ANKRD36C: variants seen among roughly 807,000 people sequenced by gnomAD.
The protein encoded by ANKRD36C is ankyrin repeat domain-containing protein 36C.
Under a neutral mutation model 276.4 loss-of-function variants are expected in ANKRD36C, and 61 were observed. The observed-to-expected ratio is 0.22, with a 90% CI of 0.18 to 0.27. The LOEUF (loss-of-function observed/expected upper bound fraction) is 0.27, where lower values mean the gene tolerates loss of function less well. ANKRD36C is among the 10% of genes least tolerant of loss of function. The pLI, the probability that ANKRD36C is intolerant of heterozygous loss-of-function variation, is 1.00. For missense variants in ANKRD36C, 1,447 were observed against 2,032.3 expected, an observed-to-expected ratio of 0.71 and a Z score of 5.54; for synonymous variants, 483 against 680.1, an observed-to-expected ratio of 0.71 and a Z score of 4.51.
chr2:95,989,717 C>T (rs1679099418), intron 1 of ANKRD36C, among the ~76,000 whole-genome samples: 1 of 152,016 alleles, frequency 6.6e-6, no homozygotes, highest in Admixed American at 6.5e-5. Flanking sequence ...TGATACTTAC[C>T]AACAAATTGT....
intron 42 of ANKRD36C, among the ~76,000 whole-genome samples, chr2:95,903,438 T>G (rs1676716078): frequency 6.6e-6 from 1 of 150,870 alleles, no homozygotes; most frequent in Non-Finnish European, 1.5e-5. Flanking sequence ...AGGTGCTACA[T>G]GATCCCACTT....
downstream of ANKRD36C, among the ~76,000 whole-genome samples, chr2:95,850,100 A>G (rs1344637363): frequency 2.0e-5 from 3 of 152,296 alleles, no homozygotes; most frequent in African/African-American, 7.2e-5. Flanking sequence ...ATAAGAATGA[A>G]AAATATGTAC....
chr2:95,972,720 C>T, intron 6 of ANKRD36C, among the ~76,000 whole-genome samples: 1 of 152,156 alleles, frequency 6.6e-6, no homozygotes, highest in East Asian at 1.9e-4. Flanking sequence ...ATCTGTTCTC[C>T]TTAACAGTTG....
intron 6 of ANKRD36C, among the ~76,000 whole-genome samples, chr2:95,963,972 A>AATAAATATATATAT (rs1678521503): frequency 2.0e-5 from 1 of 48,986 alleles, no homozygotes; most frequent in African/African-American, 8.4e-5. Context: ...TATATATATA[A>AATAAATATATATAT]ATATATATAT....
intron 56 of ANKRD36C, 84 bp downstream of exon 76, chr2:95,882,218 G>A: frequency 6.9e-7 from 1 of 1,457,556 alleles, no homozygotes; most frequent in East Asian, 2.5e-5. Flanking sequence ...CATTTTCAAT[G>A]AGCCCCCTGC....
At chr2:95,897,064 T>C (rs568158517) in intron 44 of ANKRD36C, among the ~76,000 whole-genome samples, 16 of 150,012 alleles carry the variant, frequency 1.1e-4, no homozygotes, top group Non-Finnish European at 2.1e-4. Context: ...CCAATTTCAA[T>C]ATGGGGAAGT....
intron 1 of ANKRD36C, among the ~76,000 whole-genome samples, chr2:95,987,410 T>C (rs1259069378): frequency 6.6e-6 from 1 of 152,008 alleles, no homozygotes; most frequent in African/African-American, 2.4e-5. Context: ...TAAAATTTAC[T>C]GTAAGCTCTG....
chr2:95,916,105 C>T (rs1286995500), intron 37 of ANKRD36C, 38 bp downstream of exon 39: 19 of 1,604,562 alleles, frequency 1.2e-5, no homozygotes, highest in Middle Eastern at 2.3e-4. Flanking sequence ...ATAGGCTATA[C>T]GTTTACTAGC....
Position 95,884,354 on chromosome 2 carries a change from G to A in ANKRD36C, c.3178C>T (p.Gln1060Ter). Residue 1060 changes from glutamine to a stop codon, truncating the protein, a stop_gained, in exon 53 of 67, where the codon CAA becomes TAA. Transcript: ENST00000456556. LOFTEE classifies it high-confidence loss of function. ...AGTTTAATTACCTTCAAGGCTGGTT[G>A]TCTCTGAGAAGACACTGAAAAGCAA... 4 of 1,610,862 alleles carry A rather than the reference G, an allele frequency of 2.5e-6. No individual in the cohort carries two copies. Among genetic ancestry groups the A allele is most frequent in the Non-Finnish European group, 3.4e-6 (4 of 1,179,134 alleles).
At position 95,921,893 on chromosome 2, in the gene ANKRD36C, T is replaced by C. The variant is rs767782471; in HGVS notation, c.2144-83A>G. On this transcript the variant is annotated intron_variant, in intron 32 of 66. Transcript: ENST00000456556. ...CATGCGGTGTTAGCATCAAGCTGTA[T>C]CTGCCTGCCTGTATTAGTGTAGGCT... 1.5e-4 allele frequency: 203 copies of C among 1,397,354 alleles called. 1 individual carries two copies. Among genetic ancestry groups the C allele is most frequent in the Non-Finnish European group, 1.9e-4 (198 of 1,034,894 alleles). The allele number at this position is 1,397,354 out of a possible 1,614,324, so 86.6% of individuals were successfully genotyped here. A position where few individuals can be genotyped will look rare whatever the true frequency, so the allele number is the denominator to read the frequency against.
intron 42 of ANKRD36C, among the ~76,000 whole-genome samples, chr2:95,909,409 T>A (rs1427064762): frequency 2.7e-5 from 2 of 72,980 alleles, no homozygotes; most frequent in East Asian, 6.7e-4. Context: ...TTATCAATTT[T>A]GACATACATA....
At chr2:95,864,384 A>G (rs1675643752) in intron 60 of ANKRD36C, among the ~76,000 whole-genome samples, 1 of 151,742 alleles carries the variant, frequency 6.6e-6, no homozygotes, top group African/African-American at 2.4e-5. Flanking sequence ...CACTCTCAGT[A>G]ACATAAGAAT....
chr2:95,976,579 G>A (rs1264532681), intron 6 of ANKRD36C, among the ~76,000 whole-genome samples: 2 of 152,146 alleles, frequency 1.3e-5, no homozygotes, highest in African/African-American at 4.8e-5. Context: ...TGACAATTCT[G>A]TAAAAGCGTG....
chr2:95,921,866 T>C, intron 32 of ANKRD36C, 56 bp from the exon 33 acceptor site: 1 of 1,532,960 alleles, frequency 6.5e-7, no homozygotes, highest in Non-Finnish European at 8.8e-7. Context: ...TTTCCATACA[T>C]TCATGCGGTG....
At chr2:95,973,419 A>T (rs1218765284) in intron 6 of ANKRD36C, among the ~76,000 whole-genome samples, 9 of 152,194 alleles carry the variant, frequency 5.9e-5, no homozygotes, top group African/African-American at 1.9e-4. Context: ...CTCAAAAAAA[A>T]AAATCTATTA....
intron 60 of ANKRD36C, among the ~76,000 whole-genome samples, chr2:95,863,454 A>G (rs1399041129): frequency 1.3e-5 from 2 of 152,182 alleles, no homozygotes; most frequent in African/African-American, 4.8e-5. Flanking sequence ...CCCAAAAGAA[A>G]CAGAAAGAAG....
intron 32 of ANKRD36C, among the ~76,000 whole-genome samples, chr2:95,922,914 C>T (rs199914864): frequency 6.6e-6 from 1 of 151,604 alleles, no homozygotes; most frequent in Non-Finnish European, 1.5e-5. Context: ...CTGCCAAAAT[C>T]AAATCTTTTT....
Position 95,914,098 on chromosome 2 carries a change from T to G in ANKRD36C, c.2551+10A>C. ...ACTGATCATGACATTAAATCTCTTT[T>G]CAAAATTACCTCTCCTAGTTTTTTC... On this transcript the variant is annotated intron_variant, in intron 40 of 66. Coordinates refer to ENST00000456556, the Ensembl canonical transcript of ANKRD36C. 1 of 1,557,410 alleles carries G rather than the reference T, an allele frequency of 6.4e-7. No individual in the cohort carries two copies. Among genetic ancestry groups the G allele is most frequent in the Non-Finnish European group, 8.7e-7 (1 of 1,148,236 alleles).
exon 17 of ANKRD36C, chr2:95,948,540 A>G: frequency 6.5e-7 from 1 of 1,535,760 alleles, no homozygotes; most frequent in Non-Finnish European, 8.7e-7. Flanking sequence ...CTCAGATTCC[A>G]AAGCAAACTT....
Sources: allele counts gnomAD v4.1 joint callset (sites outside exome capture counted in the v4.1 genomes callset), GRCh38; gene constraint gnomAD v4.1.1; transcripts MANE v1.5; gene names NCBI Gene and HGNC (gene_info 2026-07-23, HGNC 2026-07-21).